KLHDC4: variants seen among roughly 807,000 people sequenced by gnomAD.
The protein encoded by KLHDC4 is kelch domain-containing protein 4.
A neutral mutation model predicts 62.4 loss-of-function variants in KLHDC4; 90 were observed. The ratio of observed to expected loss-of-function variants is 1.44; its 90% CI spans 1.22 to 1.72. KLHDC4 has a LOEUF of 1.72. KLHDC4 is among the 40% of genes most tolerant of loss of function. The pLI is 0.00. For synonymous variants in KLHDC4, 386 were observed against 284.4 expected (o/e 1.36, Z -3.59); for missense variants, 1,025 against 699.7 (o/e 1.47, Z -5.25).
chr16:87,706,181 C>CA (rs139214493), downstream of KLHDC4, among the ~76,000 whole-genome samples: 16 of 66,918 alleles, frequency 2.4e-4, no homozygotes, highest in African/African-American at 7.9e-4. Flanking sequence ...CTGCAGCCCT[C>CA]GGGGGGGGGT....
At chr16:87,713,143 C>T (rs542393241) in intron 8 of KLHDC4, among the ~76,000 whole-genome samples, 76 of 152,328 alleles carry the variant, frequency 5.0e-4, no homozygotes, top group African/African-American at 1.7e-3. Flanking sequence ...ACAATCCTCC[C>T]ACCTCAGCGT....
In KLHDC4 at chr16:87,762,031, C is replaced by T; in HGVS notation, c.109G>A (p.Glu37Lys). The change falls in exon 2 of 12, where the codon GAA becomes AAA. Residue 37 changes from glutamate (E) to lysine (K), a missense_variant. Physicochemically the swap from Glu to Lys is moderately conservative, Grantham distance 56 (BLOSUM62 1). Coordinates refer to ENST00000270583, the MANE Select transcript of KLHDC4 (RefSeq NM_017566.4). The part of the protein sequence containing the change: ...KRSRKEEEDL[E>K]ALIAHFQTLD... ...GTCTGGAAATGGGCTATGAGCGCTT[C>T]CAGGTCTTCCTAGGGCAAGCAAGCA... 6.2e-7 allele frequency: 1 copy of T among 1,613,658 alleles called. No homozygotes were observed. Among genetic ancestry groups the T allele is most frequent in the Non-Finnish European group, 8.5e-7 (1 of 1,179,782 alleles).
intron 5 of KLHDC4, among the ~76,000 whole-genome samples, chr16:87,739,371 C>T (rs1347491121): frequency 7.3e-6 from 1 of 137,166 alleles, no homozygotes; most frequent in South Asian, 2.7e-4. Context: ...TCCATCCACA[C>T]ACCAGCACGT....
At chr16:87,720,086 C>T (rs1052968606) in intron 7 of KLHDC4, among the ~76,000 whole-genome samples, 3 of 152,200 alleles carry the variant, frequency 2.0e-5, no homozygotes, top group Admixed American at 1.3e-4. Context: ...ACCCGGCTGT[C>T]GGCTCAGACG....
chr16:87,756,112 C>G (rs548559485), intron 3 of KLHDC4: 1 of 264,220 alleles, frequency 3.8e-6, no homozygotes, highest in African/African-American at 2.1e-5. Flanking sequence ...GGAGGAAGAA[C>G]AGCACAGACA....
intron 7 of KLHDC4, among the ~76,000 whole-genome samples, chr16:87,719,090 G>A (rs1597456985): frequency 6.6e-6 from 1 of 151,800 alleles, no homozygotes; most frequent in East Asian, 2.0e-4. Context: ...CGTCTGGGAG[G>A]GAGGTGGTGG....
intron 10 of KLHDC4, 171 bp from the exon 11 acceptor site, chr16:87,708,637 G>A (rs2035132886): frequency 4.5e-6 from 2 of 442,610 alleles, no homozygotes; most frequent in Non-Finnish European, 7.9e-6. Flanking sequence ...GAAACAGACT[G>A]CGTTCCCCTG....
chr16:87,756,519 A>G, intron 2 of KLHDC4, 42 bp from the exon 3 acceptor site: 1 of 1,442,778 alleles, frequency 6.9e-7, no homozygotes, highest in African/African-American at 1.4e-5. Context: ...ATCACCCCCG[A>G]TACCCACCTG....
Position 87,714,576 on chromosome 16 carries a change from G to A in KLHDC4, c.760-3C>T, listed in dbSNP as rs202157714. The A allele has an allele frequency of 3.0e-5, 49 of 1,614,088 alleles. No individual in the cohort carries two copies. The East Asian group carries it at 9.6e-4, about 32-fold the overall frequency. On this transcript the variant is annotated splice_region_variant and splice_polypyrimidine_tract_variant and intron_variant, in intron 7 of 11. Transcript: ENST00000270583. ...TTGTCCACGTCTTTCTTAACTCTCTGCAATGGAAAGGAATTGTGTGAGAAC... is the reference window on the plus strand; with the variant it reads ...TTGTCCACGTCTTTCTTAACTCTCTACAATGGAAAGGAATTGTGTGAGAAC...
chr16:87,765,201 C>T (rs2046455334), intron 1 of KLHDC4: 1 of 455,916 alleles, frequency 2.2e-6, no homozygotes. Flanking sequence ...TCCTGCAGAC[C>T]CCGGGCTGAG....
Position 87,762,229 on chromosome 16 carries a change from G to A in KLHDC4, c.100-189C>T, listed in dbSNP as rs537135844. On this transcript the variant is annotated intron_variant, in intron 1 of 11. Coordinates refer to ENST00000270583, the MANE Select transcript of KLHDC4 (RefSeq NM_017566.4). Reference sequence around the variant, plus strand: ...AAAGTAACCAGAGCTTGACCTCAAAGGCAGTCTGCTTAAAGGGTAGATGTG... The same window carrying A: ...AAAGTAACCAGAGCTTGACCTCAAAAGCAGTCTGCTTAAAGGGTAGATGTG... The A allele has an allele frequency of 1.7e-5, 21 of 1,252,064 alleles. No homozygotes were observed. In the African/African-American group the frequency reaches 2.7e-4, roughly 16 times the overall value. 77.6% of individuals were successfully genotyped at this position (1,252,064 alleles called of 1,614,324 possible).
chr16:87,737,721 G>A (rs1033218965), intron 5 of KLHDC4, among the ~76,000 whole-genome samples: 1 of 151,700 alleles, frequency 6.6e-6, no homozygotes, highest in Non-Finnish European at 1.5e-5. Context: ...CCGAGTAGCT[G>A]CAATTACAGG....
At chr16:87,716,587 A>G (rs959945263) in intron 7 of KLHDC4, among the ~76,000 whole-genome samples, 3 of 152,060 alleles carry the variant, frequency 2.0e-5, no homozygotes, top group African/African-American at 7.2e-5. Flanking sequence ...ACGATTCGCC[A>G]TTTCTCAAGG....
intron 5 of KLHDC4, among the ~76,000 whole-genome samples, chr16:87,741,410 G>A (rs2042221953): frequency 6.6e-6 from 1 of 152,170 alleles, no homozygotes; most frequent in South Asian, 2.1e-4. Flanking sequence ...CAAAGCAGCA[G>A]CAGCATTAGA....
At chr16:87,737,564 C>A (rs1159525812) in intron 5 of KLHDC4, among the ~76,000 whole-genome samples, 1 of 151,194 alleles carries the variant, frequency 6.6e-6, no homozygotes, top group Non-Finnish European at 1.5e-5. Flanking sequence ...CTCCAGCTCA[C>A]CTTCCCGGTT....
At chr16:87,758,224 G>A (rs755184398) in intron 2 of KLHDC4, among the ~76,000 whole-genome samples, 6 of 152,182 alleles carry the variant, frequency 3.9e-5, no homozygotes, top group Admixed American at 3.3e-4. Context: ...CCAGCAGTTC[G>A]TTCCCAGGCA....
At chr16:87,704,674 G>C (rs988697400), downstream of KLHDC4, among the ~76,000 whole-genome samples, 3 of 152,024 alleles carry the variant, frequency 2.0e-5, no homozygotes, top group Admixed American at 6.5e-5. Context: ...CAGTGACTTT[G>C]TCACCTAGCC....
chr16:87,765,448 C>T (rs1044359309), intron 1 of KLHDC4: 7 of 496,902 alleles, frequency 1.4e-5, no homozygotes, highest in Non-Finnish European at 2.4e-5. Flanking sequence ...GTGCCAAACC[C>T]CTCCCTCTTC....
Position 87,756,346 on chromosome 16 carries a change from G to A in KLHDC4, c.270+53C>T. On this transcript the variant is annotated intron_variant, in intron 3 of 11. Transcript: ENST00000270583. Reference sequence around the variant, plus strand: ...TGTCACTGCCTTAAGTTAACTTTCTGTCAAATGATACTCACGCAACATGGG... The same window carrying A: ...TGTCACTGCCTTAAGTTAACTTTCTATCAAATGATACTCACGCAACATGGG... 6.8e-6 allele frequency: 9 copies of A among 1,330,580 alleles called. No homozygotes were observed. The Admixed American group carries it at 1.4e-4, about 20-fold the overall frequency. 82.4% of individuals were successfully genotyped at this position (1,330,580 alleles called of 1,614,324 possible).
Sources: gnomAD v4.1 joint callset for allele counts (sites outside exome capture counted in the v4.1 genomes callset) on GRCh38, gnomAD v4.1.1 for gene constraint, MANE v1.5 for transcripts, NCBI Gene and HGNC (gene_info 2026-07-23, HGNC 2026-07-21) for gene names.